The following JAK2 variants were observed in gnomAD, a reference collection of about 807,000 sequenced individuals.
The protein encoded by JAK2 is Janus kinase 2, also known as tyrosine-protein kinase JAK2.
In JAK2, 86 loss-of-function variants were observed where a neutral mutation model predicts 139.3. The observed-to-expected ratio is 0.62, with a 90% CI of 0.52 to 0.74. The LOEUF (loss-of-function observed/expected upper bound fraction) is 0.74. Among genes scored for constraint, JAK2 ranks in the 30% least tolerant of loss-of-function variants. The pLI is 0.00. For missense variants in JAK2, 1,421 were observed against 1,360.3 expected (o/e 1.04, Z -0.70); for synonymous variants, 490 against 437.7 (o/e 1.12, Z -1.49).
intron 22 of JAK2, among the ~76,000 whole-genome samples, chr9:5,117,763 C>G (rs1209474398): frequency 6.6e-6 from 1 of 151,680 alleles, no homozygotes; most frequent in Non-Finnish European, 1.5e-5. Context: ...TTTTTGGCAA[C>G]CTCAGTAATT....
At chr9:5,081,219 C>T (rs887819612) in intron 18 of JAK2, among the ~76,000 whole-genome samples, 1 of 151,750 alleles carries the variant, frequency 6.6e-6, no homozygotes, top group African/African-American at 2.4e-5. Flanking sequence ...TTTCAGTAAC[C>T]TAATTTTAGT....
intron 19 of JAK2, among the ~76,000 whole-genome samples, chr9:5,089,165 A>G (rs1007110409): frequency 6.6e-6 from 1 of 152,188 alleles, no homozygotes; most frequent in Non-Finnish European, 1.5e-5. Context: ...TTTTGAAGAA[A>G]TTAAATTTAC....
At chr9:5,044,870 T>A (rs1816890705) in intron 5 of JAK2, among the ~76,000 whole-genome samples, 1 of 152,170 alleles carries the variant, frequency 6.6e-6, no homozygotes, top group South Asian at 2.1e-4. Context: ...TTTATGGTTT[T>A]TAAAAAAATT....
chr9:4,997,014 C>A (rs1820609608), intron 2 of JAK2, among the ~76,000 whole-genome samples: 1 of 149,724 alleles, frequency 6.7e-6, no homozygotes, highest in Non-Finnish European at 1.5e-5. Flanking sequence ...TGCAGCCTTG[C>A]CTTCCCTGGG....
At chr9:5,004,465 TTTC>T (rs1268593191) in intron 2 of JAK2, among the ~76,000 whole-genome samples, 4 of 152,180 alleles carry the variant, frequency 2.6e-5, no homozygotes, top group African/African-American at 9.7e-5. Flanking sequence ...ATGACAAGAT[TTTC>T]TTCTTTTTTT....
chr9:5,119,346 C>G (rs1823442947), intron 22 of JAK2, among the ~76,000 whole-genome samples: 1 of 151,986 alleles, frequency 6.6e-6, no homozygotes, highest in Non-Finnish European at 1.5e-5. Context: ...CAGAGGTCCT[C>G]CTTCCAAGGT....
At chr9:5,103,813 G>A (rs1482228757) in intron 22 of JAK2, among the ~76,000 whole-genome samples, 1 of 152,166 alleles carries the variant, frequency 6.6e-6, no homozygotes, top group Non-Finnish European at 1.5e-5. Context: ...GCTCCTGAAT[G>A]ACTACTGGGT....
chr9:4,985,780 G>C (rs1405641735), intron 1 of JAK2, 150 bp downstream of exon 1: 1 of 152,528 alleles, frequency 6.6e-6, no homozygotes, highest in African/African-American at 2.4e-5. Flanking sequence ...CCTAGAACGA[G>C]TCTTGCTGGT....
chr9:5,014,764 A>G (rs1483800141), intron 2 of JAK2, among the ~76,000 whole-genome samples: 1 of 152,198 alleles, frequency 6.6e-6, no homozygotes, highest in Non-Finnish European at 1.5e-5. Context: ...ATAAATGACA[A>G]TATGTTAAAC....
chr9:5,093,920 A>G (rs1820778870), intron 22 of JAK2, among the ~76,000 whole-genome samples: 1 of 152,126 alleles, frequency 6.6e-6, no homozygotes, highest in African/African-American at 2.4e-5. Context: ...TTCTCCTAGT[A>G]TGAAAGGACA....
rs1824042632 is a variant in JAK2 at position 5,126,981 on chromosome 9, G to C, written c.*190G>C. ...TTTCTTCATGAGGCCACCAGTAAAA[G>C]ACATTAATGAGAATTCCTTAGCAAG... On this transcript the variant is annotated 3_prime_UTR_variant, in exon 25 of 25. Transcript: ENST00000381652. The C allele has an allele frequency of 2.9e-6, 1 of 341,374 alleles. No individual in the cohort carries two copies. The highest frequency in any genetic ancestry group is 8.7e-5 in the South Asian group (1 of 11,540). 21.1% of individuals were successfully genotyped at this position (341,374 alleles called of 1,614,324 possible).
chr9:5,129,885 A>C lies in JAK2; in HGVS notation c.*3094A>C, dbSNP rs113514812. 4.4e-3 allele frequency among the ~76,000 whole-genome samples: 673 copies of C among 152,294 alleles called. 3 individuals carry two copies. Among genetic ancestry groups the C allele is most frequent in the African/African-American group, 0.016 (647 of 41,578 alleles). On this transcript the variant is annotated 3_prime_UTR_variant, in exon 25 of 25. Coordinates refer to ENST00000381652, the MANE Select transcript of JAK2 (RefSeq NM_004972.4). ...GCAGACTGTATACCTAAATATTAAAATATTTACTTTTATAATCTTACCTTT... is the reference window on the plus strand; with the variant it reads ...GCAGACTGTATACCTAAATATTAAACTATTTACTTTTATAATCTTACCTTT...
At chr9:5,024,572 A>G (rs571661404) in intron 3 of JAK2, among the ~76,000 whole-genome samples, 2 of 151,688 alleles carry the variant, frequency 1.3e-5, no homozygotes, top group South Asian at 4.2e-4. Context: ...TGGCTTTTCT[A>G]CTCTCCAATA....
At chr9:5,041,246 G>C in intron 4 of JAK2, 1 of 1,455,604 alleles carries the variant, frequency 6.9e-7, no homozygotes. Context: ...GCGGCAGCAC[G>C]CCATCCACAT....
Position 5,022,008 on chromosome 9 carries a change from G to A in JAK2, c.21G>A (p.Thr7=), listed in dbSNP as rs776155206. The part of the protein sequence containing the change: MGMACL[T]MTEMEGTSTS... ...TCTGCATGGGAATGGCCTGCCTTAC[G>A]ATGACAGAAATGGAGGGAACATCCA... is the stretch of plus-strand genomic sequence containing the variant. Residue 7 remains threonine (T), a synonymous_variant, in exon 3 of 25, where the codon ACG becomes ACA. Coordinates refer to ENST00000381652, the MANE Select transcript of JAK2 (RefSeq NM_004972.4). 5.6e-6 allele frequency: 9 copies of A among 1,613,856 alleles called. No individual in the cohort carries two copies. Among genetic ancestry groups the A allele is most frequent in the South Asian group, 4.4e-5 (4 of 91,060 alleles).
chr9:5,065,041 G>T lies in JAK2; in HGVS notation c.1214+1G>T, dbSNP rs1471795147. 6.4e-7 allele frequency: 1 copy of T among 1,572,092 alleles called. No individual in the cohort carries two copies. Among genetic ancestry groups the T allele is most frequent in the East Asian group, 2.3e-5 (1 of 43,420 alleles). On this transcript the variant is annotated splice_donor_variant, in intron 9 of 24. Coordinates refer to ENST00000381652, the MANE Select transcript of JAK2 (RefSeq NM_004972.4). LOFTEE classifies it high-confidence loss of function. ...AAAGCAACTGTCATGGCCCAATTTC[G>T]TGAGTAATACAGACTTAAAAGTAAA...
In JAK2 at chr9:5,110,949, G is replaced by A. The variant is rs566857719; in HGVS notation, c.3060-12055G>A. 27 of 590,568 alleles carry A rather than the reference G, an allele frequency of 4.6e-5. No individual in the cohort carries two copies. The African/African-American group carries it at 4.8e-4, about 11-fold the overall frequency. The allele number at this position is 590,568 out of a possible 1,614,324, so 36.6% of individuals were successfully genotyped here. On this transcript the variant is annotated intron_variant, in intron 22 of 24. Transcript: ENST00000381652. ...CGCAGAGGATGGCATCCGTGGACAC[G>A]GACAAGGAGCTCAGTAACCTGGACT...
chr9:5,041,215 G>C (rs577142559), intron 4 of JAK2: 1 of 1,467,552 alleles, frequency 6.8e-7, no homozygotes, highest in African/African-American at 1.4e-5. Context: ...AGAACTTCCT[G>C]GTGGGGCGCC....
intron 2 of JAK2, among the ~76,000 whole-genome samples, chr9:5,002,862 C>G (rs993424662): frequency 6.6e-6 from 1 of 151,916 alleles, no homozygotes; most frequent in African/African-American, 2.4e-5. Flanking sequence ...GTTCTGCTTA[C>G]AAGAGGTCAC....
Sources: gnomAD v4.1 joint callset for allele counts (sites outside exome capture counted in the v4.1 genomes callset) on GRCh38, gnomAD v4.1.1 for gene constraint, MANE v1.5 for transcripts, NCBI Gene and HGNC (gene_info 2026-07-23, HGNC 2026-07-21) for gene names.